Variants in TMEM117 observed in about 807,000 individuals in gnomAD.
TMEM117 encodes transmembrane protein 117.
TMEM117 carries 27 observed loss-of-function variants against 52.4 expected under a neutral mutation model. That is an observed-to-expected ratio of 0.51 (90% confidence interval 0.38 to 0.71). The LOEUF (loss-of-function observed/expected upper bound fraction) is 0.71, where lower values mean the gene tolerates loss of function less well. Among genes scored for constraint, TMEM117 ranks in the 30% least tolerant of loss-of-function variants. The probability of loss-of-function intolerance (pLI) is 0.00; values close to 1 mark genes in which losing one functional copy is unlikely to be tolerated. For missense variants in TMEM117, 556 were observed against 630.5 expected (o/e 0.88, Z 1.26); for synonymous variants, 215 against 206.3 (o/e 1.04, Z -0.36).
At chr12:43,918,346 G>T (rs7976722) in intron 2 of TMEM117, among the ~76,000 whole-genome samples, 7,709 of 152,042 alleles carry the variant, frequency 0.051, 211 homozygotes, top group African/African-American at 0.066. Context: ...TTCATTTTTA[G>T]AACATCTCTT....
At chr12:44,321,638 C>T (rs1218686863) in intron 6 of TMEM117, among the ~76,000 whole-genome samples, 1 of 152,076 alleles carries the variant, frequency 6.6e-6, no homozygotes, top group Non-Finnish European at 1.5e-5. Flanking sequence ...TGGAAAATTG[C>T]AATCACAGAC....
intron 2 of TMEM117, among the ~76,000 whole-genome samples, chr12:43,849,346 G>C (rs971604190): frequency 6.6e-6 from 1 of 152,204 alleles, no homozygotes; most frequent in Non-Finnish European, 1.5e-5. Flanking sequence ...AAAATATCCA[G>C]TTTGGAGAAA....
At chr12:44,171,583 T>C (rs1410473636) in intron 4 of TMEM117, among the ~76,000 whole-genome samples, 2 of 152,168 alleles carry the variant, frequency 1.3e-5, no homozygotes, top group African/African-American at 4.8e-5. Flanking sequence ...TTGAGCCAAA[T>C]GTATTCCTGA....
chr12:44,384,863 T>C (rs972192837), intron 7 of TMEM117, among the ~76,000 whole-genome samples: 2 of 152,132 alleles, frequency 1.3e-5, no homozygotes, highest in African/African-American at 4.8e-5. Flanking sequence ...TGGCAAACAA[T>C]ATATTTCAGA....
At chr12:43,803,374 G>A in the TMEM117 span, among the ~76,000 whole-genome samples, 1 of 152,052 alleles carries the variant, frequency 6.6e-6, no homozygotes. Context: ...GTTTAAAGGG[G>A]ATGCTCTTAT....
At chr12:44,280,545 T>C (rs986367352) in intron 5 of TMEM117, among the ~76,000 whole-genome samples, 4 of 152,186 alleles carry the variant, frequency 2.6e-5, no homozygotes, top group African/African-American at 9.6e-5. Flanking sequence ...TCAGATATTC[T>C]TAGAAACTTC....
chr12:44,103,929 A>C (rs1947908016), intron 3 of TMEM117, among the ~76,000 whole-genome samples: 1 of 151,944 alleles, frequency 6.6e-6, no homozygotes. Flanking sequence ...TTCATGTCAT[A>C]GTTGAAGAGA....
chr12:43,939,957 A>T (rs988462074), intron 2 of TMEM117, among the ~76,000 whole-genome samples: 2 of 152,174 alleles, frequency 1.3e-5, no homozygotes, highest in African/African-American at 4.8e-5. Flanking sequence ...CCATTAATAA[A>T]ACCGTCAGCT....
intron 5 of TMEM117, among the ~76,000 whole-genome samples, chr12:44,240,854 T>C (rs1175884367): frequency 6.6e-6 from 1 of 152,114 alleles, no homozygotes; most frequent in Non-Finnish European, 1.5e-5. Flanking sequence ...AATGAAGCTA[T>C]ATGTATGTTC....
chr12:43,838,745 T>C (rs1417152951), intron 1 of TMEM117, among the ~76,000 whole-genome samples: 1 of 151,592 alleles, frequency 6.6e-6, no homozygotes, highest in East Asian at 1.9e-4. Flanking sequence ...GTAATAACTT[T>C]GGGGTTATAT....
At chr12:44,085,821 T>C (rs1319628026) in intron 3 of TMEM117, among the ~76,000 whole-genome samples, 1 of 152,170 alleles carries the variant, frequency 6.6e-6, no homozygotes, top group African/African-American at 2.4e-5. Flanking sequence ...AAAAACACTG[T>C]CTCTTTGGGC....
intron 5 of TMEM117, among the ~76,000 whole-genome samples, chr12:44,293,218 G>A (rs150405780): frequency 1.3e-5 from 2 of 151,872 alleles, no homozygotes; most frequent in African/African-American, 4.8e-5. Context: ...AGTCCATTCT[G>A]TCTAATTTGA....
intron 2 of TMEM117, among the ~76,000 whole-genome samples, chr12:43,892,989 G>C (rs1944135053): frequency 6.6e-6 from 1 of 152,204 alleles, no homozygotes; most frequent in Non-Finnish European, 1.5e-5. Flanking sequence ...GAAAAGCCCA[G>C]AGGTGAAATG....
chr12:44,278,082 G>T (rs2138586560), intron 5 of TMEM117, among the ~76,000 whole-genome samples: 1 of 152,126 alleles, frequency 6.6e-6, no homozygotes, highest in East Asian at 1.9e-4. Flanking sequence ...GCTTTTAAGG[G>T]GCTCATGTGA....
chr12:44,209,209 A>G (rs1949613564), intron 4 of TMEM117, among the ~76,000 whole-genome samples: 1 of 152,132 alleles, frequency 6.6e-6, no homozygotes, highest in Non-Finnish European at 1.5e-5. Context: ...TTTTATACCT[A>G]AGAGTATGTG....
At chr12:44,202,940 C>A (rs778616325) in intron 4 of TMEM117, among the ~76,000 whole-genome samples, 28 of 152,002 alleles carry the variant, frequency 1.8e-4, no homozygotes, top group Non-Finnish European at 2.4e-4. Flanking sequence ...AGGTGTGTAC[C>A]ACCACGCCTG....
intron 3 of TMEM117, among the ~76,000 whole-genome samples, chr12:44,012,953 G>C (rs1406000110): frequency 6.6e-6 from 1 of 151,952 alleles, no homozygotes; most frequent in East Asian, 1.9e-4. Flanking sequence ...GTGGTAGGGT[G>C]TGGGGGGAGG....
chr12:44,378,107 G>A (rs369570919), intron 7 of TMEM117, among the ~76,000 whole-genome samples: 59 of 152,150 alleles, frequency 3.9e-4, no homozygotes, highest in African/African-American at 1.1e-3. Flanking sequence ...TATCCCTTTG[G>A]GGGGGGCTTT....
chr12:44,359,393 G>A (rs945471571), intron 6 of TMEM117, among the ~76,000 whole-genome samples: 2 of 151,838 alleles, frequency 1.3e-5, no homozygotes, highest in Admixed American at 1.3e-4. Context: ...ATTACCTTAT[G>A]TCTTTTTGTT....
Sources: allele counts gnomAD v4.1 joint callset (sites outside exome capture counted in the v4.1 genomes callset), GRCh38; gene constraint gnomAD v4.1.1; transcripts MANE v1.5; gene names NCBI Gene and HGNC (gene_info 2026-07-23, HGNC 2026-07-21).